The following HIF3A variants were observed in gnomAD, a reference collection of about 807,000 sequenced individuals.
HIF3A encodes hypoxia inducible factor 3 subunit alpha.
In HIF3A, 41 loss-of-function variants were observed where a neutral mutation model predicts 67.2. The ratio of observed to expected loss-of-function variants is 0.61; its 90% CI spans 0.48 to 0.79. The LOEUF (loss-of-function observed/expected upper bound fraction) is 0.79. Ranked by LOEUF, HIF3A falls within the 30% of genes least tolerant of loss-of-function variation. The pLI, the probability that HIF3A is intolerant of heterozygous loss-of-function variation, is 0.00. For synonymous variants in HIF3A, 356 were observed against 374.8 expected, an observed-to-expected ratio of 0.95 and a Z score of 0.58; for missense variants, 855 against 898.0, an observed-to-expected ratio of 0.95 and a Z score of 0.61.
chr19:46,320,287 G>C (rs984600075), intron 8 of HIF3A, 156 bp from the exon 9 acceptor site: 2 of 643,118 alleles, frequency 3.1e-6, no homozygotes, highest in Non-Finnish European at 2.8e-6. Flanking sequence ...ACCCTTATAG[G>C]AGACAAATAA....
intron 11 of HIF3A, among the ~76,000 whole-genome samples, chr19:46,327,291 G>A (rs1392260505): frequency 1.3e-5 from 2 of 151,438 alleles, no homozygotes; most frequent in East Asian, 3.9e-4. Context: ...GCTCTTCATT[G>A]CTCTGAGACC....
chr19:46,324,768 C>A (rs1970629252), intron 10 of HIF3A, among the ~76,000 whole-genome samples: 1 of 151,384 alleles, frequency 6.6e-6, no homozygotes, highest in South Asian at 2.1e-4. Context: ...GCAGGAGAAT[C>A]ACTTGAATCC....
Position 46,320,518 on chromosome 19 carries a change from C to T in HIF3A, c.1101C>T (p.Gly367=), listed in dbSNP as rs746086636. 19 of 1,613,984 alleles carry T rather than the reference C, an allele frequency of 1.2e-5. 1 individual carries two copies. The highest frequency in any genetic ancestry group is 1.6e-4 in the Middle Eastern group (1 of 6,084). Residue 367 remains glycine (G), a synonymous_variant, in exon 9 of 15, where the codon GGC becomes GGT. Transcript: ENST00000377670. ...EQHSRRPIQR[G]APSQKDTPNP... The stretch of plus-strand genomic sequence containing the variant: ...ACTCTCGCAGACCCATTCAGCGGGG[C>T]GCCCCCTCTCAGAAGGACACCCCTA...
chr19:46,318,418 C>T (rs977606819), intron 8 of HIF3A, among the ~76,000 whole-genome samples: 3 of 150,700 alleles, frequency 2.0e-5, no homozygotes, highest in African/African-American at 4.9e-5. Context: ...AGCGTGGTGG[C>T]ATATGGCTGT....
chr19:46,316,818 G>GAA (rs1204868114), intron 8 of HIF3A, among the ~76,000 whole-genome samples: 1 of 138,632 alleles, frequency 7.2e-6, no homozygotes, highest in South Asian at 2.3e-4. Context: ...AAAAAAAAAA[G>GAA]AAAAAAGAAT....
chr19:46,304,113 C>T lies in HIF3A; in HGVS notation c.217+25C>T, dbSNP rs764011338. On this transcript the variant is annotated intron_variant, in intron 2 of 14. Coordinates refer to ENST00000377670, the MANE Select transcript of HIF3A (RefSeq NM_152795.4). Reference sequence around the variant, plus strand: ...GGTGAGCCCCGCCCGCGGGAATTCCCGTCTTGGTCAGGCCCCGCCCACGGA... The same window carrying T: ...GGTGAGCCCCGCCCGCGGGAATTCCTGTCTTGGTCAGGCCCCGCCCACGGA... 3.9e-6 allele frequency: 6 copies of T among 1,541,310 alleles called. No homozygotes were observed. In the Admixed American group the frequency reaches 1.2e-4, roughly 30 times the overall value.
intron 13 of HIF3A, 50 bp downstream of exon 13, chr19:46,331,323 T>C (rs1417881716): frequency 2.1e-6 from 3 of 1,443,772 alleles, no homozygotes; most frequent in Non-Finnish European, 2.9e-6. Flanking sequence ...CCTAGCTGGC[T>C]TAAACCTACT....
intron 2 of HIF3A, chr19:46,304,293 G>C (rs982513399): frequency 5.6e-5 from 33 of 591,624 alleles, no homozygotes; most frequent in African/African-American, 5.4e-4. Flanking sequence ...CCTGCTGGGA[G>C]TCCCGCCCCC....
chr19:46,299,750 C>T (rs1968169210), intron 1 of HIF3A, among the ~76,000 whole-genome samples: 1 of 123,222 alleles, frequency 8.1e-6, no homozygotes, highest in African/African-American at 2.8e-5. Context: ...AAAAAGAAAA[C>T]TGGGTATCAC....
At chr19:46,298,416 G>C in intron 1 of HIF3A, 1 of 1,265,980 alleles carries the variant, frequency 7.9e-7, no homozygotes, top group Non-Finnish European at 1.0e-6. Flanking sequence ...TCTCACCGCC[G>C]TGCGCACCCA....
rs112839120 is a variant in HIF3A, at chr19:46,312,712, G to GGTGT, written c.1025+81_1025+84dup. The GGTGT allele has an allele frequency of 4.3e-3, 5,976 of 1,405,972 alleles. 2 individuals carry two copies. The highest frequency in any genetic ancestry group is 6.8e-3 in the South Asian group (446 of 65,840). The allele number at this position is 1,405,972 out of a possible 1,614,324, so 87.1% of individuals were successfully genotyped here. On this transcript the variant is annotated intron_variant, in intron 8 of 14. Coordinates refer to ENST00000377670, the MANE Select transcript of HIF3A (RefSeq NM_152795.4). ...TGGGCCTGATCTGCATGTGTGGACA[G>GGTGT]GTGTGTGTGTGTGTGTGTGTGTGTG...
At chr19:46,307,979 C>T (rs1192779597) in intron 3 of HIF3A, among the ~76,000 whole-genome samples, 4 of 57,016 alleles carry the variant, frequency 7.0e-5, no homozygotes, top group South Asian at 1.2e-3. Context: ...GACAGACAGA[C>T]AGACAGACAG....
chr19:46,327,099 G>T (rs1205716750), intron 11 of HIF3A, among the ~76,000 whole-genome samples: 2 of 152,078 alleles, frequency 1.3e-5, no homozygotes, highest in Non-Finnish European at 2.9e-5. Flanking sequence ...AGGTTGCAGT[G>T]AGCCGAGATT....
chr19:46,338,662 A>G (rs1971799876), intron 14 of HIF3A: 2 of 383,744 alleles, frequency 5.2e-6, no homozygotes, highest in Non-Finnish European at 7.3e-6. Context: ...ACAACAGAGG[A>G]GTAAATCAAG....
Position 46,329,490 on chromosome 19 carries a change from TA to T in HIF3A, c.1712+15del, listed in dbSNP as rs1295508539. 2 of 1,498,168 alleles carry T rather than the reference TA, an allele frequency of 1.3e-6. No individual in the cohort carries two copies. Among genetic ancestry groups the T allele is most frequent in the East Asian group, 4.8e-5 (2 of 42,094 alleles). 92.8% of individuals were successfully genotyped at this position (1,498,168 alleles called of 1,614,324 possible). The stretch of plus-strand genomic sequence containing the variant: ...GGGGCTCGGAAGAGGTGAGCCACAG[TA>T]AAGGGGGGACATCAAGGCAGCATCC... On this transcript the variant is annotated intron_variant, in intron 12 of 14. Transcript: ENST00000377670.
chr19:46,330,916 AGGT>A (rs1167499879), intron 12 of HIF3A, among the ~76,000 whole-genome samples: 2 of 151,278 alleles, frequency 1.3e-5, no homozygotes, highest in Non-Finnish European at 2.9e-5. Flanking sequence ...AAGGACAACT[AGGT>A]GGATAAATAG....
chr19:46,307,921 A>G lies in HIF3A; in HGVS notation c.364-300A>G, dbSNP rs147944852. Among the ~76,000 whole-genome samples, 7 of 152,198 alleles carry G rather than the reference A, an allele frequency of 4.6e-5. No homozygotes were observed. The East Asian group carries it at 9.7e-4, about 21-fold the overall frequency. Reference sequence around the variant, plus strand: ...TGCATTCCAGCCTGGGCAACAGAGCAAGACCTGTCTCAAAAAATAGATAGA... The same window carrying G: ...TGCATTCCAGCCTGGGCAACAGAGCGAGACCTGTCTCAAAAAATAGATAGA... On this transcript the variant is annotated intron_variant, in intron 3 of 14. Transcript: ENST00000377670.
chr19:46,308,095 T>C, intron 3 of HIF3A, 126 bp from the exon 4 acceptor site: 1 of 764,428 alleles, frequency 1.3e-6, no homozygotes, highest in East Asian at 2.5e-5. Flanking sequence ...GACAAATGGA[T>C]GGATAAATGA....
intron 8 of HIF3A, among the ~76,000 whole-genome samples, chr19:46,314,031 AG>A (rs199848829): frequency 4.3e-4 from 65 of 151,056 alleles, no homozygotes; most frequent in African/African-American, 9.2e-4. Flanking sequence ...AATAGAGCAC[AG>A]GTTTTTTTTT....
Sources: allele counts gnomAD v4.1 joint callset (sites outside exome capture counted in the v4.1 genomes callset), GRCh38; gene constraint gnomAD v4.1.1; transcripts MANE v1.5; gene names NCBI Gene and HGNC (gene_info 2026-07-23, HGNC 2026-07-21).